The following DOCK4 variants were observed in gnomAD, a reference collection of about 807,000 sequenced individuals.
DOCK4 encodes the protein dedicator of cytokinesis protein 4.
DOCK4 carries 97 observed loss-of-function variants against 268.1 expected under a neutral mutation model. The ratio of observed to expected loss-of-function variants is 0.36; its 90% CI spans 0.31 to 0.43. DOCK4 has a LOEUF of 0.43. Among genes scored for constraint, DOCK4 ranks in the 20% least tolerant of loss-of-function variants. DOCK4 has a pLI of 1.00. For synonymous variants in DOCK4, 954 were observed against 887.2 expected (o/e 1.08, Z -1.34); for missense variants, 2,145 against 2,455.7 (o/e 0.87, Z 2.67).
At chr7:111,769,421 G>A (rs1397366184) in intron 37 of DOCK4, 108 bp downstream of exon 37, 1 of 1,372,722 alleles carries the variant, frequency 7.3e-7, no homozygotes, top group Admixed American at 1.9e-5. Flanking sequence ...ATTAAGATGT[G>A]AGGATCCCTG....
At chr7:111,745,843 A>AT (rs959835518) in intron 44 of DOCK4, among the ~76,000 whole-genome samples, 1 of 151,922 alleles carries the variant, frequency 6.6e-6, no homozygotes, top group Admixed American at 6.6e-5. Flanking sequence ...ATCCTCCAAA[A>AT]TTTGAAGCCT....
At chr7:112,153,764 A>G (rs1348528708) in intron 1 of DOCK4, among the ~76,000 whole-genome samples, 1 of 152,190 alleles carries the variant, frequency 6.6e-6, no homozygotes, top group African/African-American at 2.4e-5. Context: ...ACATTGTCCC[A>G]GCAAAACAAA....
At chr7:111,864,821 G>A (rs2134195574) in intron 22 of DOCK4, among the ~76,000 whole-genome samples, 1 of 152,284 alleles carries the variant, frequency 6.6e-6, no homozygotes, top group Non-Finnish European at 1.5e-5. Context: ...AATAAAATGA[G>A]CCCAGCTTTC....
chr7:111,895,867 A>G lies in DOCK4; in HGVS notation c.1481-149T>C, dbSNP rs1437013512. On this transcript the variant is annotated intron_variant, in intron 15 of 52. Coordinates refer to ENST00000428084, the MANE Select transcript of DOCK4 (RefSeq NM_001363540.2). ...AGCTTTTCTGATAGGCCATCTATAT[A>G]GAGCAGCCACCCTCTAATCCCCTCT... 5 of 665,244 alleles carry G rather than the reference A, an allele frequency of 7.5e-6. No homozygotes were observed. In the African/African-American group the frequency reaches 9.1e-5, roughly 12 times the overall value. The allele number at this position is 665,244 out of a possible 1,614,324, so 41.2% of individuals were successfully genotyped here.
At chr7:111,729,423 G>C (rs1015236120) in intron 52 of DOCK4, among the ~76,000 whole-genome samples, 8 of 152,104 alleles carry the variant, frequency 5.3e-5, no homozygotes, top group African/African-American at 1.9e-4. Flanking sequence ...GCTGGGCGTG[G>C]TGGCTCATGC....
intron 27 of DOCK4, among the ~76,000 whole-genome samples, chr7:111,822,151 A>G (rs768842329): frequency 3.7e-4 from 56 of 152,198 alleles, no homozygotes; most frequent in Admixed American, 8.5e-4. Flanking sequence ...GAACTTCTCA[A>G]TGCATATGCT....
At chr7:111,833,286 A>G (rs1320884255) in intron 26 of DOCK4, among the ~76,000 whole-genome samples, 1 of 152,132 alleles carries the variant, frequency 6.6e-6, no homozygotes, top group Non-Finnish European at 1.5e-5. Context: ...TCATGCCTGT[A>G]ATCTGAGTAC....
intron 23 of DOCK4, among the ~76,000 whole-genome samples, chr7:111,853,104 C>T (rs1399996727): frequency 6.6e-6 from 1 of 152,086 alleles, no homozygotes; most frequent in Non-Finnish European, 1.5e-5. Flanking sequence ...ATCAGTAATC[C>T]CCACTGGACA....
At chr7:112,194,538 T>G (rs1199684641) in intron 1 of DOCK4, among the ~76,000 whole-genome samples, 2 of 152,202 alleles carry the variant, frequency 1.3e-5, no homozygotes, top group Non-Finnish European at 2.9e-5. Context: ...ACACAGTACT[T>G]TCTGCACATA....
intron 20 of DOCK4, among the ~76,000 whole-genome samples, chr7:111,871,420 T>C (rs751574764): frequency 2.6e-5 from 4 of 152,112 alleles, no homozygotes; most frequent in African/African-American, 9.7e-5. Flanking sequence ...CCTGAGCCAG[T>C]AGAAAAGGAG....
At chr7:112,159,730 A>G (rs1291929943) in intron 1 of DOCK4, among the ~76,000 whole-genome samples, 1 of 151,020 alleles carries the variant, frequency 6.6e-6, no homozygotes, top group East Asian at 1.9e-4. Context: ...AATAGTCACA[A>G]TTTGGGGTAA....
intron 1 of DOCK4, among the ~76,000 whole-genome samples, chr7:112,183,085 C>G (rs1819197347): frequency 6.6e-6 from 1 of 152,202 alleles, no homozygotes; most frequent in African/African-American, 2.4e-5. Flanking sequence ...TTGCCACTAA[C>G]CTTACAAATC....
chr7:112,153,367 A>C (rs752605859), intron 1 of DOCK4, among the ~76,000 whole-genome samples: 1 of 152,188 alleles, frequency 6.6e-6, no homozygotes, highest in Non-Finnish European at 1.5e-5. Context: ...CACAACTTTG[A>C]CATATAAGTA....
At position 111,815,685 on chromosome 7, in the gene DOCK4, T is replaced by G. The variant is rs371269740; in HGVS notation, c.2931-3736A>C. On this transcript the variant is annotated intron_variant, in intron 27 of 52. Coordinates refer to ENST00000428084, the MANE Select transcript of DOCK4 (RefSeq NM_001363540.2). ...TTTTTCTCTCTCTCTGTTCTCTTTCTTTCTTTCTGACGGAGTCTCCCTGTC... is the reference window on the plus strand; with the variant it reads ...TTTTTCTCTCTCTCTGTTCTCTTTCGTTCTTTCTGACGGAGTCTCCCTGTC... 1.5e-4 allele frequency among the ~76,000 whole-genome samples: 21 copies of G among 139,888 alleles called. 2 individuals are homozygous for G. In the East Asian group the frequency reaches 3.2e-3, roughly 21 times the overall value. The allele number at this position is 139,888 out of a possible 152,430, so 91.8% of individuals were successfully genotyped here. A position where few individuals can be genotyped will look rare whatever the true frequency, so the allele number is the denominator to read the frequency against.
At chr7:111,993,184 CAG>C (rs1010561788) in intron 5 of DOCK4, among the ~76,000 whole-genome samples, 3 of 152,188 alleles carry the variant, frequency 2.0e-5, no homozygotes, top group Non-Finnish European at 2.9e-5. Flanking sequence ...TCAGATGTAA[CAG>C]ACAATAAACA....
Position 112,074,527 on chromosome 7 carries a change from G to C in DOCK4, c.38-70396C>G, listed in dbSNP as rs181719497. On this transcript the variant is annotated intron_variant, in intron 1 of 52. Transcript: ENST00000428084. The stretch of plus-strand genomic sequence containing the variant: ...CTGCTTTGCCAGTTGCTGGCTCCTA[G>C]ATCTGCCATGGGGATACTAGTGGGG... Among the ~76,000 whole-genome samples, 85 of 152,218 alleles carry C rather than the reference G, an allele frequency of 5.6e-4. 2 individuals carry two copies. The highest frequency in any genetic ancestry group is 1.0e-3 in the Non-Finnish European group (70 of 67,994).
chr7:111,765,108 T>C lies in DOCK4; in HGVS notation c.4020+10A>G, dbSNP rs1386365677. On this transcript the variant is annotated intron_variant, in intron 39 of 52. Coordinates refer to ENST00000428084, the MANE Select transcript of DOCK4 (RefSeq NM_001363540.2). The stretch of plus-strand genomic sequence containing the variant: ...AGCTGTGAAAGCAAATTAAATAGTA[T>C]ATTACTTACTCTTAAGAAAAATGGA... 2 of 1,381,156 alleles carry C rather than the reference T, an allele frequency of 1.4e-6. No homozygotes were observed. The highest frequency in any genetic ancestry group is 2.0e-6 in the Non-Finnish European group (2 of 1,014,266). 85.6% of individuals were successfully genotyped at this position (1,381,156 alleles called of 1,614,324 possible).
At chr7:111,913,627 T>C (rs1209180105) in intron 13 of DOCK4, among the ~76,000 whole-genome samples, 2 of 151,432 alleles carry the variant, frequency 1.3e-5, no homozygotes, top group Non-Finnish European at 2.9e-5. Flanking sequence ...GCCAGGATGG[T>C]CTCGATCTTC....
At chr7:112,074,217 C>T (rs1807857005) in intron 1 of DOCK4, among the ~76,000 whole-genome samples, 1 of 152,260 alleles carries the variant, frequency 6.6e-6, no homozygotes, top group East Asian at 1.9e-4. Flanking sequence ...CCCTCCCAGG[C>T]AGATGTGGGT....
Sources: allele counts gnomAD v4.1 joint callset (sites outside exome capture counted in the v4.1 genomes callset), GRCh38; gene constraint gnomAD v4.1.1; transcripts MANE v1.5; gene names NCBI Gene and HGNC (gene_info 2026-07-23, HGNC 2026-07-21).